Variants in EYA1 observed in about 807,000 individuals in gnomAD.
The protein encoded by EYA1 is protein phosphatase EYA1.
A neutral mutation model predicts 82.0 loss-of-function variants in EYA1; 16 were observed. That is an observed-to-expected ratio of 0.20 (90% CI 0.13 to 0.30). The LOEUF (loss-of-function observed/expected upper bound fraction) is 0.30, where lower values mean the gene tolerates loss of function less well. Among genes scored for constraint, EYA1 ranks in the 10% least tolerant of loss-of-function variants. The pLI, the probability that EYA1 is intolerant of heterozygous loss-of-function variation, is 1.00. For missense variants in EYA1, 633 were observed against 730.7 expected (o/e 0.87, Z 1.54); for synonymous variants, 261 against 264.4 (o/e 0.99, Z 0.12).
intron 2 of EYA1, among the ~76,000 whole-genome samples, chr8:71,387,599 A>G (rs1263985515): frequency 6.6e-6 from 1 of 152,172 alleles, no homozygotes; most frequent in African/African-American, 2.4e-5. Context: ...GAGCTCAGGA[A>G]CAGCAATGCT....
At chr8:71,251,436 G>C (rs1813735074) in intron 11 of EYA1, among the ~76,000 whole-genome samples, 1 of 152,050 alleles carries the variant, frequency 6.6e-6, no homozygotes, top group African/African-American at 2.4e-5. Flanking sequence ...CCACACACAG[G>C]AATGAAATCT....
At chr8:71,486,842 T>A (rs1489730708) in intron 2 of EYA1, among the ~76,000 whole-genome samples, 1 of 151,642 alleles carries the variant, frequency 6.6e-6, no homozygotes, top group Non-Finnish European at 1.5e-5. Context: ...ATATTAGAGA[T>A]CCCAGCTCTG....
At chr8:71,206,550 C>T (rs1386757196) in intron 17 of EYA1, among the ~76,000 whole-genome samples, 4 of 151,996 alleles carry the variant, frequency 2.6e-5, no homozygotes, top group East Asian at 1.9e-4. Context: ...ATCTCACAGT[C>T]AGAGGAAATA....
chr8:71,334,262 C>T (rs1259222627), intron 3 of EYA1, 88 bp from the exon 4 acceptor site: 2 of 1,029,872 alleles, frequency 1.9e-6, no homozygotes, highest in Admixed American at 1.7e-5. Flanking sequence ...AGAGTAATGA[C>T]AAGAAAATCA....
At chr8:71,302,162 C>T (rs1820268622) in intron 7 of EYA1, among the ~76,000 whole-genome samples, 1 of 152,080 alleles carries the variant, frequency 6.6e-6, no homozygotes, top group Admixed American at 6.5e-5. Context: ...CCGTTACTTT[C>T]ATTTAAACTA....
intron 2 of EYA1, among the ~76,000 whole-genome samples, chr8:71,407,352 C>A (rs1173261499): frequency 3.8e-5 from 5 of 132,582 alleles, no homozygotes; most frequent in Non-Finnish European, 6.4e-5. Context: ...TCCTCACCAG[C>A]AACGGAACAA....
At chr8:71,443,262 C>G (rs1806569242) in intron 2 of EYA1, among the ~76,000 whole-genome samples, 1 of 152,114 alleles carries the variant, frequency 6.6e-6, no homozygotes, top group Non-Finnish European at 1.5e-5. Flanking sequence ...ATGGCAGAGA[C>G]AGATTAGGAT....
chr8:71,456,294 G>T (rs942571589), intron 2 of EYA1, among the ~76,000 whole-genome samples: 3 of 152,174 alleles, frequency 2.0e-5, no homozygotes, highest in Non-Finnish European at 4.4e-5. Flanking sequence ...CATGCTCATG[G>T]ATAGGAAGAA....
chr8:71,501,816 A>C (rs1563679511), intron 2 of EYA1, among the ~76,000 whole-genome samples: 1 of 152,230 alleles, frequency 6.6e-6, no homozygotes, highest in East Asian at 1.9e-4. Flanking sequence ...ATTACACTTA[A>C]CTATTTTAGC....
intron 2 of EYA1, among the ~76,000 whole-genome samples, chr8:71,500,238 G>A (rs973071634): frequency 6.6e-6 from 1 of 152,290 alleles, no homozygotes; most frequent in Admixed American, 6.5e-5. Context: ...AAGAAAAAAA[G>A]ATCAAACATA....
chr8:71,345,778 C>T (rs773726925), intron 3 of EYA1, among the ~76,000 whole-genome samples: 1 of 152,148 alleles, frequency 6.6e-6, no homozygotes. Context: ...TTAGTGCCCA[C>T]TACCCCTTGA....
intron 2 of EYA1, 21 bp from the exon 3 acceptor site, chr8:71,354,930 A>G (rs2129069981): frequency 6.2e-7 from 1 of 1,611,398 alleles, no homozygotes; most frequent in Non-Finnish European, 8.5e-7. Flanking sequence ...GAAGCCTTCC[A>G]TTTGACAGAT....
intron 1 of EYA1, among the ~76,000 whole-genome samples, chr8:71,545,686 C>G (rs1460983586): frequency 6.6e-6 from 1 of 151,552 alleles, no homozygotes; most frequent in Non-Finnish European, 1.5e-5. Context: ...CTCAGCCTCC[C>G]AAGTAGCTGG....
Position 71,299,150 on chromosome 8 carries a change from G to A in EYA1, c.723C>T (p.Thr241=). 1 of 1,614,102 alleles carries A rather than the reference G, an allele frequency of 6.2e-7. No homozygotes were observed. Among genetic ancestry groups the A allele is most frequent in the Non-Finnish European group, 8.5e-7 (1 of 1,179,988 alleles). Reference sequence around the variant, plus strand: ...GTGTCGTTGGGCTGGTGTTGCTGCTGGTCATATAATGTGCTGGATACGGTG... The same window carrying A: ...GTGTCGTTGGGCTGGTGTTGCTGCTAGTCATATAATGTGCTGGATACGGTG... ...NSSPYPAHYM[T]SSNTSPTTPS... Residue 241 remains threonine (T), a synonymous_variant, in exon 9 of 18, where the codon ACC becomes ACT. Coordinates refer to ENST00000340726, the MANE Select transcript of EYA1 (RefSeq NM_000503.6).
intron 16 of EYA1, among the ~76,000 whole-genome samples, chr8:71,215,013 TAG>T (rs1169856323): frequency 2.0e-5 from 3 of 152,224 alleles, no homozygotes; most frequent in Non-Finnish European, 2.9e-5. Flanking sequence ...AATCTGTTAT[TAG>T]AGTTGTTTCA....
At chr8:71,353,220 G>A (rs1826482299) in intron 3 of EYA1, among the ~76,000 whole-genome samples, 2 of 152,196 alleles carry the variant, frequency 1.3e-5, no homozygotes, top group South Asian at 4.1e-4. Context: ...AGGCCTGCCG[G>A]CGCAGGGACC....
At chr8:71,222,119 A>G (rs1192531569) in intron 12 of EYA1, among the ~76,000 whole-genome samples, 1 of 152,056 alleles carries the variant, frequency 6.6e-6, no homozygotes, top group African/African-American at 2.4e-5. Flanking sequence ...CTGCTCTGAA[A>G]TTTGCCTCAG....
chr8:71,272,819 C>G (rs1816704086), intron 9 of EYA1, among the ~76,000 whole-genome samples: 1 of 152,212 alleles, frequency 6.6e-6, no homozygotes, highest in Non-Finnish European at 1.5e-5. Flanking sequence ...AAACTCTTTT[C>G]CAGATTTCTG....
intron 2 of EYA1, among the ~76,000 whole-genome samples, chr8:71,506,328 T>A (rs897837355): frequency 2.6e-5 from 4 of 152,232 alleles, no homozygotes; most frequent in African/African-American, 9.6e-5. Flanking sequence ...AGGAGGCAAG[T>A]CTTTACAAGT....
Sources: allele counts gnomAD v4.1 joint callset (sites outside exome capture counted in the v4.1 genomes callset), GRCh38; gene constraint gnomAD v4.1.1; transcripts MANE v1.5; gene names NCBI Gene and HGNC (gene_info 2026-07-23, HGNC 2026-07-21).